PREX2: variants seen among roughly 807,000 people sequenced by gnomAD.
PREX2 encodes the protein phosphatidylinositol 3,4,5-trisphosphate-dependent Rac exchanger 2 protein.
In PREX2, 107 loss-of-function variants were observed where a neutral mutation model predicts 203.2. The observed-to-expected ratio is 0.53, with a 90% CI of 0.45 to 0.62. The LOEUF is 0.62. Ranked by LOEUF, PREX2 falls within the 20% of genes least tolerant of loss-of-function variation. The pLI is 0.00. For missense variants in PREX2, 1,777 were observed against 1,955.9 expected (o/e 0.91, Z 1.72); for synonymous variants, 672 against 663.6 (o/e 1.01, Z -0.19).
At chr8:67,986,924 G>A (rs768087241) in intron 1 of PREX2, among the ~76,000 whole-genome samples, 8 of 151,964 alleles carry the variant, frequency 5.3e-5, no homozygotes, top group Non-Finnish European at 7.4e-5. Context: ...CTAGCACTTC[G>A]GGAGACTGAG....
At chr8:68,150,865 G>A (rs916300040) in intron 34 of PREX2, among the ~76,000 whole-genome samples, 1 of 152,198 alleles carries the variant, frequency 6.6e-6, no homozygotes, top group African/African-American at 2.4e-5. Context: ...AAATCAGGAT[G>A]TTGTCAGGCC....
intron 1 of PREX2, among the ~76,000 whole-genome samples, chr8:68,004,556 C>A (rs182734135): frequency 1.3e-5 from 2 of 152,214 alleles, no homozygotes; most frequent in Admixed American, 1.3e-4. Context: ...TTTCTTGCCA[C>A]TGATAAAAGG....
chr8:68,233,086 T>C lies in PREX2; in HGVS notation c.*1708T>C, dbSNP rs1020942960. The C allele has an allele frequency of 2.2e-4, 33 of 152,332 alleles. No individual in the cohort carries two copies. Among genetic ancestry groups the C allele is most frequent in the African/African-American group, 7.5e-4 (31 of 41,570 alleles). 9.4% of individuals were successfully genotyped at this position (152,332 alleles called of 1,614,324 possible). A position where few individuals can be genotyped will look rare whatever the true frequency, so the allele number is the denominator to read the frequency against. ...AATAATTGTTATTTGGCACAGAAGCTCTAGAGACTTTTGTGAGAAGTCCAT... is the reference window on the plus strand; with the variant it reads ...AATAATTGTTATTTGGCACAGAAGCCCTAGAGACTTTTGTGAGAAGTCCAT... On this transcript the variant is annotated 3_prime_UTR_variant, in exon 40 of 40. Transcript: ENST00000288368.
At chr8:68,150,093 C>T (rs7825160) in intron 34 of PREX2, among the ~76,000 whole-genome samples, 41,860 of 152,006 alleles carry the variant, frequency 0.28, 5,801 homozygotes, top group Non-Finnish European at 0.29. Context: ...ATGTCTGCTG[C>T]GGCTATCACA....
intron 1 of PREX2, among the ~76,000 whole-genome samples, chr8:67,988,706 T>C (rs1806509211): frequency 6.6e-6 from 1 of 152,220 alleles, no homozygotes; most frequent in Admixed American, 6.5e-5. Context: ...GTTAGGGGCC[T>C]TCTCCTTGAC....
chr8:68,226,070 A>G (rs948059632), intron 39 of PREX2, among the ~76,000 whole-genome samples: 2 of 152,198 alleles, frequency 1.3e-5, no homozygotes, highest in African/African-American at 2.4e-5. Flanking sequence ...AAACACTCGA[A>G]ACGAAACGCA....
rs575788327 is a variant in PREX2, at chr8:68,023,663, T to A, written c.441+1523T>A. 4.0e-3 allele frequency among the ~76,000 whole-genome samples: 613 copies of A among 152,264 alleles called. 4 individuals carry two copies. The highest frequency in any genetic ancestry group is 0.01 in the Middle Eastern group (3 of 292). On this transcript the variant is annotated intron_variant, in intron 4 of 39. Coordinates refer to ENST00000288368, the MANE Select transcript of PREX2 (RefSeq NM_024870.4). ...ATTTTTCTCTGTTATGACCGTGTTTTTTTGGTCATATATAAGAAATCTGTA... is the reference window on the plus strand; with the variant it reads ...ATTTTTCTCTGTTATGACCGTGTTTATTTGGTCATATATAAGAAATCTGTA...
In PREX2 at chr8:68,164,549, T is replaced by C. The variant is rs138700078; in HGVS notation, c.4346+7113T>C. ...GATTATAGCCAAGAAAAACAGCTGGTGATCTGGCTTTTTTTTCTTTCTTTT... is the reference window on the plus strand; with the variant it reads ...GATTATAGCCAAGAAAAACAGCTGGCGATCTGGCTTTTTTTTCTTTCTTTT... On this transcript the variant is annotated intron_variant, in intron 35 of 39. Transcript: ENST00000288368. 1.9e-3 allele frequency among the ~76,000 whole-genome samples: 281 copies of C among 151,446 alleles called. 6 individuals carry two copies. In the East Asian group the frequency reaches 0.031, roughly 17 times the overall value.
At chr8:68,215,300 G>T (rs987063277) in intron 37 of PREX2, among the ~76,000 whole-genome samples, 1 of 152,104 alleles carries the variant, frequency 6.6e-6, no homozygotes, top group East Asian at 1.9e-4. Context: ...GTACACGAGA[G>T]ATAAAGCAAG....
chr8:68,149,482 A>G (rs993640989), intron 34 of PREX2, among the ~76,000 whole-genome samples: 8 of 152,172 alleles, frequency 5.3e-5, no homozygotes, highest in Non-Finnish European at 1.2e-4. Flanking sequence ...ACACTAAAAC[A>G]ATCTTCTGGC....
intron 1 of PREX2, among the ~76,000 whole-genome samples, chr8:67,985,585 T>C (rs1345689190): frequency 6.6e-6 from 1 of 152,174 alleles, no homozygotes; most frequent in Non-Finnish European, 1.5e-5. Flanking sequence ...TTGTCGGAGA[T>C]AGGAAAATGA....
chr8:68,230,414 C>T (rs998876372), intron 39 of PREX2, among the ~76,000 whole-genome samples: 3 of 152,144 alleles, frequency 2.0e-5, no homozygotes, highest in African/African-American at 7.2e-5. Flanking sequence ...ACCAGTGTGG[C>T]CATGGGTGCT....
intron 37 of PREX2, among the ~76,000 whole-genome samples, chr8:68,200,012 G>GA (rs1381799006): frequency 2.6e-5 from 4 of 152,114 alleles, no homozygotes; most frequent in African/African-American, 9.7e-5. Flanking sequence ...GTATGGGACA[G>GA]AAAAAATAAC....
intron 1 of PREX2, among the ~76,000 whole-genome samples, chr8:67,964,813 T>C (rs1212290400): frequency 2.6e-5 from 4 of 152,324 alleles, no homozygotes; most frequent in Admixed American, 6.5e-5. Context: ...TAGAACTATC[T>C]TCAAGCCTCG....
chr8:68,213,737 A>G (rs73683413), intron 37 of PREX2, among the ~76,000 whole-genome samples: 6,199 of 152,244 alleles, frequency 0.041, 328 homozygotes, highest in African/African-American at 0.12. Flanking sequence ...TTTTCTTCCT[A>G]TGGGGAAATT....
chr8:68,018,651 A>G (rs1207427550), intron 2 of PREX2, among the ~76,000 whole-genome samples: 2 of 152,142 alleles, frequency 1.3e-5, no homozygotes, highest in African/African-American at 2.4e-5. Flanking sequence ...TTCACTCCAC[A>G]TAATATCCTT....
intron 1 of PREX2, among the ~76,000 whole-genome samples, chr8:67,957,775 G>C (rs1805530442): frequency 6.6e-6 from 1 of 152,180 alleles, no homozygotes; most frequent in African/African-American, 2.4e-5. Context: ...TTATGCTTAA[G>C]GTTTATGTTA....
chr8:67,971,114 A>T (rs1439923624), intron 1 of PREX2, among the ~76,000 whole-genome samples: 1 of 152,082 alleles, frequency 6.6e-6, no homozygotes, highest in East Asian at 1.9e-4. Context: ...CCAGATGGTG[A>T]ATAACAGTAG....
chr8:68,111,216 T>G, intron 25 of PREX2: 1 of 187,272 alleles, frequency 5.3e-6, no homozygotes, highest in Non-Finnish European at 1.1e-5. Flanking sequence ...TAAGAAAACA[T>G]CTGGACCAAT....
Sources: gnomAD v4.1 joint callset for allele counts (sites outside exome capture counted in the v4.1 genomes callset) on GRCh38, gnomAD v4.1.1 for gene constraint, MANE v1.5 for transcripts, NCBI Gene and HGNC (gene_info 2026-07-23, HGNC 2026-07-21) for gene names.